The following ABR variants were observed in gnomAD, a reference collection of about 807,000 sequenced individuals.
The protein encoded by ABR is active breakpoint cluster region-related protein.
A neutral mutation model predicts 107.2 loss-of-function variants in ABR; 35 were observed. The observed-to-expected ratio is 0.33, with a 90% CI of 0.25 to 0.43. The LOEUF (loss-of-function observed/expected upper bound fraction) is 0.43, where lower values mean the gene tolerates loss of function less well. Among genes scored for constraint, ABR ranks in the 20% least tolerant of loss-of-function variants. ABR has a pLI of 1.00. For missense variants in ABR, 815 were observed against 1,115.2 expected (o/e 0.73, Z 3.83); for synonymous variants, 498 against 462.0 (o/e 1.08, Z -1.00).
intron 1 of ABR, among the ~76,000 whole-genome samples, chr17:1,208,823 G>C (rs1419092081): frequency 5.3e-5 from 8 of 151,156 alleles, no homozygotes; most frequent in Non-Finnish European, 8.8e-5. Context: ...GGGAGGTGGA[G>C]CTTGCAGTGA....
intron 1 of ABR, among the ~76,000 whole-genome samples, chr17:1,166,387 C>G (rs2041507147): frequency 6.6e-6 from 1 of 152,056 alleles, no homozygotes; most frequent in Non-Finnish European, 1.5e-5. Flanking sequence ...TGAGAAAGAC[C>G]AACAGCATCC....
At chr17:1,069,746 C>G in intron 9 of ABR, among the ~76,000 whole-genome samples, 1 of 149,776 alleles carries the variant, frequency 6.7e-6, no homozygotes, top group East Asian at 2.0e-4. Flanking sequence ...CCGCCCTGTG[C>G]CACTGGACTC....
At chr17:1,021,448 A>G (rs1435244722) in intron 16 of ABR, among the ~76,000 whole-genome samples, 1 of 152,128 alleles carries the variant, frequency 6.6e-6, no homozygotes, top group African/African-American at 2.4e-5. Context: ...CCACCCTCTG[A>G]GCCCCGGCAT....
chr17:1,192,306 TCCCTGAGC>T (rs2042453062), upstream of ABR, among the ~76,000 whole-genome samples: 1 of 152,158 alleles, frequency 6.6e-6, no homozygotes, highest in Non-Finnish European at 1.5e-5. Context: ...CACTGAATAT[TCCCTGAGC>T]CCTACTGTAT....
intron 16 of ABR, among the ~76,000 whole-genome samples, chr17:1,043,646 G>A (rs1470485608): frequency 1.3e-5 from 2 of 152,166 alleles, no homozygotes; most frequent in African/African-American, 4.8e-5. Context: ...GCTACACCAC[G>A]TGAGCTACTA....
At chr17:1,076,435 A>C (rs2035714314) in intron 6 of ABR, among the ~76,000 whole-genome samples, 1 of 152,088 alleles carries the variant, frequency 6.6e-6, no homozygotes, top group African/African-American at 2.4e-5. Context: ...ATCACACTGG[A>C]GAACCCCAGA....
chr17:1,042,645 G>A (rs561156235), intron 16 of ABR, among the ~76,000 whole-genome samples: 2 of 151,054 alleles, frequency 1.3e-5, no homozygotes, highest in South Asian at 4.2e-4. Flanking sequence ...CAGACAGAAG[G>A]ACAAACAGAC....
intron 2 of ABR, among the ~76,000 whole-genome samples, chr17:1,123,350 A>G (rs2039436079): frequency 6.6e-6 from 1 of 152,136 alleles, no homozygotes; most frequent in Admixed American, 6.5e-5. Flanking sequence ...TCTGGATTTC[A>G]AGGTCCTCAA....
At chr17:1,159,455 CAA>C (rs1395038507) in intron 1 of ABR, among the ~76,000 whole-genome samples, 4 of 77,694 alleles carry the variant, frequency 5.1e-5, no homozygotes, top group South Asian at 5.2e-4. Context: ...TACTCACACA[CAA>C]GGGAAGTAAG....
intron 6 of ABR, among the ~76,000 whole-genome samples, chr17:1,075,836 G>A (rs2035658368): frequency 6.6e-6 from 1 of 152,188 alleles, no homozygotes; most frequent in African/African-American, 2.4e-5. Context: ...GAGGTCAGGA[G>A]TTCAAGAACA....
At chr17:1,126,024 T>C (rs956987148) in intron 1 of ABR, among the ~76,000 whole-genome samples, 1 of 152,010 alleles carries the variant, frequency 6.6e-6, no homozygotes, top group Non-Finnish European at 1.5e-5. Flanking sequence ...ATCACCCCAG[T>C]GTGGGCTTCC....
At chr17:1,108,009 C>A (rs1273270979) in intron 2 of ABR, among the ~76,000 whole-genome samples, 2 of 152,230 alleles carry the variant, frequency 1.3e-5, no homozygotes, top group African/African-American at 4.8e-5. Context: ...GACAGCCTCC[C>A]GTCCCCAGCA....
intron 2 of ABR, among the ~76,000 whole-genome samples, chr17:1,107,362 A>G (rs1315201768): frequency 6.6e-6 from 1 of 152,264 alleles, no homozygotes; most frequent in Non-Finnish European, 1.5e-5. Flanking sequence ...CACAGGCACC[A>G]GCCCCACACC....
intron 16 of ABR, among the ~76,000 whole-genome samples, chr17:1,023,920 G>A (rs2071934859): frequency 6.6e-6 from 1 of 151,588 alleles, no homozygotes; most frequent in Admixed American, 6.6e-5. Flanking sequence ...AGCTACTCAG[G>A]GGGCTGAGGC....
In ABR at chr17:1,037,991, T is replaced by C. The variant is rs1289444550; in HGVS notation, c.1791+12059A>G. Among the ~76,000 whole-genome samples, 2 of 152,176 alleles carry C rather than the reference T, an allele frequency of 1.3e-5. No homozygotes were observed. Among genetic ancestry groups the C allele is most frequent in the African/African-American group, 4.8e-5 (2 of 41,416 alleles). On this transcript the variant is annotated intron_variant, in intron 16 of 22. Coordinates refer to ENST00000302538, the MANE Select transcript of ABR (RefSeq NM_021962.5). The surrounding 1 kb of genome is among the most constrained non-coding windows in gnomAD (Gnocchi z 4.6). Reference sequence around the variant, plus strand: ...GCTGAGGACGCACCCCTGCCGTTTTTTCCAAATGAAATTTTATGCCGACGT... The same window carrying C: ...GCTGAGGACGCACCCCTGCCGTTTTCTCCAAATGAAATTTTATGCCGACGT...
chr17:1,010,722 GC>G lies in ABR; in HGVS notation c.2236+6del. The G allele has an allele frequency of 6.2e-7, 1 of 1,613,320 alleles. No homozygotes were observed. Among genetic ancestry groups the G allele is most frequent in the Non-Finnish European group, 8.5e-7 (1 of 1,179,964 alleles). Reference sequence around the variant, plus strand: ...CAGCCCAGTCCTAGGAGCCCTCAGGGCCTCACCGATGCCCTCCATGAAGGCT... The same window carrying G: ...CAGCCCAGTCCTAGGAGCCCTCAGGGCTCACCGATGCCCTCCATGAAGGCT... On this transcript the variant is annotated splice_donor_region_variant and intron_variant, in intron 20 of 22. Coordinates refer to ENST00000302538, the MANE Select transcript of ABR (RefSeq NM_021962.5). The surrounding 1 kb of genome is among the most constrained non-coding windows in gnomAD (Gnocchi z 4.1).
intron 2 of ABR, among the ~76,000 whole-genome samples, chr17:1,110,203 G>A (rs2038587662): frequency 6.6e-6 from 1 of 151,920 alleles, no homozygotes; most frequent in South Asian, 2.1e-4. Flanking sequence ...ACTGTGCAGG[G>A]AGTGAGGCCA....
At chr17:1,107,939 T>G (rs2038368602) in intron 2 of ABR, among the ~76,000 whole-genome samples, 1 of 152,136 alleles carries the variant, frequency 6.6e-6, no homozygotes, top group Non-Finnish European at 1.5e-5. Flanking sequence ...GTAGAGTGGG[T>G]GGGGCAGGAC....
In ABR at chr17:1,079,403, G is replaced by A; in HGVS notation, c.640-13C>T. On this transcript the variant is annotated splice_polypyrimidine_tract_variant and intron_variant, in intron 5 of 22. Transcript: ENST00000302538. ...TCACTTTGAGTTCCTGCCAAAGGGA[G>A]GAGAGGAGTCATGGCCTGTTCTGTC... 1 of 1,611,396 alleles carries A rather than the reference G, an allele frequency of 6.2e-7. No homozygotes were observed. Among genetic ancestry groups the A allele is most frequent in the South Asian group, 1.1e-5 (1 of 90,638 alleles).
Sources: gnomAD v4.1 joint callset for allele counts (sites outside exome capture counted in the v4.1 genomes callset) on GRCh38, gnomAD v4.1.1 for gene constraint, Gnocchi (gnomAD v3.1) non-coding constraint, MANE v1.5 for transcripts, NCBI Gene and HGNC (gene_info 2026-07-23, HGNC 2026-07-21) for gene names.